RRAS2: variants seen among roughly 807,000 people sequenced by gnomAD.
RRAS2 encodes ras-related protein R-Ras2.
A neutral mutation model predicts 27.6 loss-of-function variants in RRAS2; 7 were observed. That is an observed-to-expected ratio of 0.25 (90% confidence interval 0.14 to 0.48). The LOEUF (loss-of-function observed/expected upper bound fraction) is 0.48. Ranked by LOEUF, RRAS2 falls within the 20% of genes least tolerant of loss-of-function variation. RRAS2 has a pLI of 0.99. For missense variants in RRAS2, 178 were observed against 256.2 expected (o/e 0.69, Z 2.08); for synonymous variants, 86 against 90.9 (o/e 0.95, Z 0.31).
intron 4 of RRAS2, among the ~76,000 whole-genome samples, chr11:14,288,988 G>A (rs1466125517): frequency 6.6e-6 from 1 of 152,084 alleles, no homozygotes; most frequent in Non-Finnish European, 1.5e-5. Flanking sequence ...ATATGCTAAC[G>A]ATAAAGCCTG....
intron 1 of RRAS2, among the ~76,000 whole-genome samples, chr11:14,308,022 C>CA (rs1362186157): frequency 1.2e-4 from 18 of 151,998 alleles, no homozygotes; most frequent in Non-Finnish European, 2.2e-4. Flanking sequence ...TGTCATTCAG[C>CA]AAATGCCTGG....
intron 1 of RRAS2, chr11:14,336,919 C>T (rs1299139646): frequency 4.6e-5 from 7 of 152,092 alleles, no homozygotes; most frequent in Non-Finnish European, 5.9e-5. Flanking sequence ...CCAATGAAAT[C>T]TACACCAAGA....
chr11:14,355,078 T>G (rs926788527), intron 1 of RRAS2, among the ~76,000 whole-genome samples: 3 of 152,126 alleles, frequency 2.0e-5, no homozygotes, highest in Non-Finnish European at 4.4e-5. Flanking sequence ...TTATTTAATG[T>G]TATTCTCCCT....
intron 2 of RRAS2, 93 bp downstream of exon 2, chr11:14,295,675 T>C: frequency 1.0e-6 from 1 of 979,398 alleles, no homozygotes; most frequent in South Asian, 1.8e-5. Flanking sequence ...TCATCTAATA[T>C]TTCAAATATA....
At chr11:14,298,750 G>T (rs782449019) in intron 1 of RRAS2, among the ~76,000 whole-genome samples, 15 of 150,724 alleles carry the variant, frequency 1.0e-4, no homozygotes, top group African/African-American at 3.7e-4. Flanking sequence ...CTCCTCCAAC[G>T]AAACATCACT....
chr11:14,300,820 C>T (rs1847679119), intron 1 of RRAS2, among the ~76,000 whole-genome samples: 1 of 152,104 alleles, frequency 6.6e-6, no homozygotes, highest in Non-Finnish European at 1.5e-5. Flanking sequence ...GTTGCCCTTC[C>T]GCCTTCAGTG....
At chr11:14,306,557 G>A (rs988907937) in intron 1 of RRAS2, among the ~76,000 whole-genome samples, 2 of 152,054 alleles carry the variant, frequency 1.3e-5, no homozygotes, top group South Asian at 2.1e-4. Context: ...ACTGTGGGGC[G>A]AAGTCTTATT....
At chr11:14,338,818 C>T (rs1554952859) in intron 1 of RRAS2, among the ~76,000 whole-genome samples, 1 of 151,958 alleles carries the variant, frequency 6.6e-6, no homozygotes, top group Admixed American at 6.6e-5. Context: ...ATCCCAAATT[C>T]TGATTTTTTT....
At chr11:14,280,536 G>A (rs1849496469) in intron 5 of RRAS2, among the ~76,000 whole-genome samples, 2 of 151,754 alleles carry the variant, frequency 1.3e-5, no homozygotes, top group South Asian at 4.2e-4. Flanking sequence ...GACCAGCCTG[G>A]CCAATATGGT....
At chr11:14,289,075 G>A (rs986332624) in intron 4 of RRAS2, among the ~76,000 whole-genome samples, 20 of 152,052 alleles carry the variant, frequency 1.3e-4, no homozygotes, top group African/African-American at 4.8e-4. Flanking sequence ...CCTTTTAGAC[G>A]CACATAAGGC....
chr11:14,353,074 C>G (rs1279289269), intron 1 of RRAS2, among the ~76,000 whole-genome samples: 1 of 152,124 alleles, frequency 6.6e-6, no homozygotes, highest in Non-Finnish European at 1.5e-5. Flanking sequence ...GCTGGGATTA[C>G]AGGCATGAGC....
chr11:14,340,139 C>T (rs1341742307), intron 1 of RRAS2, among the ~76,000 whole-genome samples: 1 of 136,466 alleles, frequency 7.3e-6, no homozygotes, highest in African/African-American at 2.6e-5. Flanking sequence ...CCCTCTGTCT[C>T]CCAGGCTGGA....
At chr11:14,330,588 G>A (rs1591477396) in intron 1 of RRAS2, among the ~76,000 whole-genome samples, 4 of 151,982 alleles carry the variant, frequency 2.6e-5, no homozygotes, top group African/African-American at 4.8e-5. Context: ...CTGATGAGGG[G>A]GACGTCTTTA....
At position 14,315,205 on chromosome 11, in the gene RRAS2, A is replaced by T. The variant is rs1591465734; in HGVS notation, c.109-19350T>A. 2.0e-5 allele frequency among the ~76,000 whole-genome samples: 3 copies of T among 152,346 alleles called. No individual in the cohort carries two copies. The East Asian group carries it at 5.8e-4, about 29-fold the overall frequency. ...AAGGGTTGGGGCAGGGAGCAACTTC[A>T]TAGTAGAGAAACCAGACAAACATTA... is the stretch of plus-strand genomic sequence containing the variant. On this transcript the variant is annotated intron_variant, in intron 1 of 5. Coordinates refer to ENST00000256196, the MANE Select transcript of RRAS2 (RefSeq NM_012250.6).
At chr11:14,315,444 G>A (rs1848078042) in intron 1 of RRAS2, among the ~76,000 whole-genome samples, 1 of 152,090 alleles carries the variant, frequency 6.6e-6, no homozygotes, top group South Asian at 2.1e-4. Flanking sequence ...AAATAGTTGG[G>A]TCATCAAAAA....
intron 1 of RRAS2, among the ~76,000 whole-genome samples, chr11:14,302,939 A>T (rs1431509683): frequency 6.6e-6 from 1 of 152,228 alleles, no homozygotes; most frequent in Non-Finnish European, 1.5e-5. Context: ...CTTGTCTATG[A>T]AATGAAAATC....
At chr11:14,352,224 T>C (rs573682830) in intron 1 of RRAS2, among the ~76,000 whole-genome samples, 1 of 152,296 alleles carries the variant, frequency 6.6e-6, no homozygotes, top group South Asian at 2.1e-4. Flanking sequence ...AATATTAAAC[T>C]GTTAGTATAT....
intron 1 of RRAS2, among the ~76,000 whole-genome samples, chr11:14,343,100 G>C (rs1282859582): frequency 1.3e-5 from 2 of 152,174 alleles, no homozygotes; most frequent in Admixed American, 1.3e-4. Flanking sequence ...ACCATGTACT[G>C]TTCATCTAAA....
intron 1 of RRAS2, among the ~76,000 whole-genome samples, chr11:14,323,450 CCT>C (rs1184536410): frequency 6.8e-5 from 10 of 147,674 alleles, no homozygotes; most frequent in African/African-American, 2.5e-4. Flanking sequence ...AGAGCGAGAC[CCT>C]GTCTCAAAAA....
Sources: allele counts gnomAD v4.1 joint callset (sites outside exome capture counted in the v4.1 genomes callset), GRCh38; gene constraint gnomAD v4.1.1; transcripts MANE v1.5; gene names NCBI Gene and HGNC (gene_info 2026-07-23, HGNC 2026-07-21).